Variants in GABRA3 observed in about 807,000 individuals in gnomAD.
GABRA3 encodes the protein gamma-aminobutyric acid receptor subunit alpha-3.
Under a neutral mutation model 30.1 loss-of-function variants are expected in GABRA3, and 10 were observed. The observed-to-expected ratio is 0.33, with a 90% CI of 0.20 to 0.56. The LOEUF (loss-of-function observed/expected upper bound fraction) is 0.56, where lower values mean the gene tolerates loss of function less well. GABRA3 is among the 20% of genes least tolerant of loss of function. The pLI is 0.89. For synonymous variants in GABRA3, 151 were observed against 146.8 expected, an observed-to-expected ratio of 1.03 and a Z score of -0.21; for missense variants, 233 against 392.0, an observed-to-expected ratio of 0.59 and a Z score of 3.42.
At chrX:152,431,764 T>C (rs953551853) in intron 1 of GABRA3, among the ~76,000 whole-genome samples, 2 of 111,273 alleles carry the variant, frequency 1.8e-5, no homozygotes, top group African/African-American at 6.5e-5. Context: ...AGTGATACGA[T>C]GTGAAAACGA....
intron 2 of GABRA3, among the ~76,000 whole-genome samples, chrX:152,347,366 A>G (rs996863666): frequency 4.2e-4 from 47 of 111,711 alleles, no homozygotes; most frequent in Non-Finnish European, 7.5e-4. Context: ...TGGTTGAGGG[A>G]AAGTGGGGAT....
At chrX:152,295,505 G>T (rs1189497257) in intron 3 of GABRA3, among the ~76,000 whole-genome samples, 2 of 113,171 alleles carry the variant, frequency 1.8e-5, no homozygotes, top group South Asian at 3.6e-4. Flanking sequence ...TGCTGAGCCA[G>T]GCATGGGATA....
chrX:152,200,464 T>A (rs1354786079), intron 7 of GABRA3, among the ~76,000 whole-genome samples: 3 of 112,265 alleles, frequency 2.7e-5, no homozygotes, highest in Admixed American at 9.4e-5. Context: ...ATTACAACTT[T>A]GGAGTTCCCA....
chrX:152,349,126 T>G (rs867030815), intron 2 of GABRA3, among the ~76,000 whole-genome samples: 5 of 112,014 alleles, frequency 4.5e-5, no homozygotes, highest in Middle Eastern at 4.6e-3. Flanking sequence ...TTATGTAATA[T>G]TCTAAATCCT....
intron 4 of GABRA3, among the ~76,000 whole-genome samples, chrX:152,260,011 C>A (rs1938702008): frequency 9.1e-6 from 1 of 110,415 alleles, no homozygotes; most frequent in African/African-American, 3.3e-5. Context: ...GAGGAGACTG[C>A]CCTGAAAGGT....
At chrX:152,355,486 A>G (rs1485899586) in intron 2 of GABRA3, among the ~76,000 whole-genome samples, 3 of 111,145 alleles carry the variant, frequency 2.7e-5, no homozygotes, top group Non-Finnish European at 3.8e-5. Context: ...TGTTTCCTCC[A>G]CCAAAAATCT....
intron 7 of GABRA3, among the ~76,000 whole-genome samples, chrX:152,202,148 C>T (rs757983179): frequency 2.3e-4 from 26 of 111,744 alleles, no homozygotes; most frequent in Admixed American, 2.1e-3. Flanking sequence ...CTGCATGAAG[C>T]TAGTTCATAC....
chrX:152,432,775 TA>T (rs1930678245), intron 1 of GABRA3, among the ~76,000 whole-genome samples: 1 of 111,599 alleles, frequency 9.0e-6, no homozygotes, highest in African/African-American at 3.3e-5. Context: ...CCTTTTAGCT[TA>T]ATGCAATATT....
At chrX:152,260,366 G>A (rs1368397200) in intron 4 of GABRA3, among the ~76,000 whole-genome samples, 3 of 111,205 alleles carry the variant, frequency 2.7e-5, no homozygotes, top group Non-Finnish European at 3.8e-5. Flanking sequence ...ACTGATTGTA[G>A]AACACCAAGG....
intron 6 of GABRA3, among the ~76,000 whole-genome samples, chrX:152,216,389 AACACACACACAC>A (rs60255687): frequency 0.042 from 3,292 of 77,558 alleles, 158 homozygotes; most frequent in Admixed American, 0.17. Context: ...ATAATATATA[AACACACACACAC>A]ACACACACAC....
intron 1 of GABRA3, among the ~76,000 whole-genome samples, chrX:152,368,523 C>A (rs1015595780): frequency 9.1e-5 from 10 of 110,257 alleles, no homozygotes; most frequent in African/African-American, 3.3e-4. Flanking sequence ...ACCACATTTT[C>A]TTTATCCATT....
chrX:152,201,590 T>G (rs936031593), intron 7 of GABRA3, among the ~76,000 whole-genome samples: 11 of 111,871 alleles, frequency 9.8e-5, no homozygotes, highest in African/African-American at 3.6e-4. Context: ...GCCTTTGCAC[T>G]TCAGCCTATT....
intron 4 of GABRA3, 24 bp from the exon 5 acceptor site, chrX:152,256,022 A>C: frequency 9.1e-7 from 1 of 1,093,157 alleles, no homozygotes; most frequent in Non-Finnish European, 1.3e-6. Flanking sequence ...GAGAGAAAAC[A>C]ATGTTTCAGT....
chrX:152,182,405 A>G (rs1045710488), intron 9 of GABRA3, among the ~76,000 whole-genome samples: 1 of 93,679 alleles, frequency 1.1e-5, no homozygotes, highest in Non-Finnish European at 2.1e-5. Flanking sequence ...ACTAGTATAT[A>G]TAGACACACT....
intron 8 of GABRA3, among the ~76,000 whole-genome samples, chrX:152,190,790 A>T (rs1236465562): frequency 9.1e-6 from 1 of 109,918 alleles, no homozygotes; most frequent in Non-Finnish European, 1.9e-5. Context: ...GGGGAGTGTT[A>T]TTCTAAATTC....
At chrX:152,318,911 C>T (rs910605237) in intron 3 of GABRA3, among the ~76,000 whole-genome samples, 1 of 111,220 alleles carries the variant, frequency 9.0e-6, no homozygotes, top group Non-Finnish European at 1.9e-5. Context: ...GAAAGCATTC[C>T]CTCTGAGAAC....
At chrX:152,394,408 A>C (rs774855354) in intron 1 of GABRA3, 64 of 384,907 alleles carry the variant, frequency 1.7e-4, no homozygotes, top group South Asian at 1.4e-3. Flanking sequence ...CAATGTTGCA[A>C]AAGTAGACAC....
intron 3 of GABRA3, among the ~76,000 whole-genome samples, chrX:152,309,510 GA>G (rs144483235): frequency 0.17 from 16,595 of 99,672 alleles, 1,294 homozygotes; most frequent in African/African-American, 0.31. Flanking sequence ...TCATAAAAGA[GA>G]AAAAAAAAAA....
chrX:152,272,404 T>C (rs1385930681), intron 4 of GABRA3, among the ~76,000 whole-genome samples: 1 of 112,497 alleles, frequency 8.9e-6, no homozygotes, highest in Non-Finnish European at 1.9e-5. Context: ...TGTTGCCAAT[T>C]TGGCCAATTT....
Sources: gnomAD v4.1 joint callset for allele counts (sites outside exome capture counted in the v4.1 genomes callset) on GRCh38, gnomAD v4.1.1 for gene constraint, MANE v1.5 for transcripts, NCBI Gene and HGNC (gene_info 2026-07-23, HGNC 2026-07-21) for gene names.